The following SNTG1 variants were observed in gnomAD, a reference collection of about 807,000 sequenced individuals.
SNTG1 encodes syntrophin gamma 1, also known as gamma-1-syntrophin.
A neutral mutation model predicts 74.7 loss-of-function variants in SNTG1; 39 were observed. That is an observed-to-expected ratio of 0.52 (90% CI 0.40 to 0.68). The LOEUF (loss-of-function observed/expected upper bound fraction) is 0.68. Among genes scored for constraint, SNTG1 ranks in the 30% least tolerant of loss-of-function variants. The probability of loss-of-function intolerance (pLI) is 0.00; values close to 1 mark genes in which losing one functional copy is unlikely to be tolerated. For synonymous variants in SNTG1, 254 were observed against 217.1 expected (o/e 1.17, Z -1.49); for missense variants, 685 against 609.5 (o/e 1.12, Z -1.30).
intron 2 of SNTG1, among the ~76,000 whole-genome samples, chr8:50,300,375 C>A (rs1387712428): frequency 2.0e-5 from 3 of 152,102 alleles, no homozygotes; most frequent in Non-Finnish European, 4.4e-5. Context: ...TCATGTTGGA[C>A]TGTCCCAGAG....
intron 1 of SNTG1, among the ~76,000 whole-genome samples, 160 bp from the exon 2 acceptor site, chr8:50,172,401 T>C (rs893261025): frequency 6.6e-6 from 1 of 152,200 alleles, no homozygotes; most frequent in African/African-American, 2.4e-5. Flanking sequence ...GAGCTATTCC[T>C]AGAAATTGAC....
intron 1 of SNTG1, among the ~76,000 whole-genome samples, chr8:50,156,145 T>C (rs2082247676): frequency 6.6e-6 from 1 of 152,122 alleles, no homozygotes; most frequent in African/African-American, 2.4e-5. Flanking sequence ...TTTGCCCCTA[T>C]ACACAAAACA....
chr8:50,713,701 AAGGAAGGGGTCCAGTTTCAG>A (rs1456338389), intron 17 of SNTG1, among the ~76,000 whole-genome samples: 8 of 152,130 alleles, frequency 5.3e-5, no homozygotes, highest in Admixed American at 4.6e-4. Context: ...TATAAGGTAT[AAGGAAGGGGTCCAGTTTCAG>A]TTTCATGCAT....
intron 1 of SNTG1, among the ~76,000 whole-genome samples, chr8:50,043,642 G>A (rs949075407): frequency 2.0e-5 from 3 of 152,282 alleles, no homozygotes; most frequent in Non-Finnish European, 4.4e-5. Context: ...TGTTTGACTC[G>A]CACCCAGGCC....
chr8:50,087,350 A>C (rs913145064), intron 1 of SNTG1, among the ~76,000 whole-genome samples: 1 of 152,182 alleles, frequency 6.6e-6, no homozygotes, highest in African/African-American at 2.4e-5. Flanking sequence ...TGGTATCTCA[A>C]ATAGAGAGCT....
intron 1 of SNTG1, among the ~76,000 whole-genome samples, chr8:49,947,010 G>A (rs1251676941): frequency 1.3e-5 from 2 of 152,122 alleles, no homozygotes; most frequent in Non-Finnish European, 2.9e-5. Flanking sequence ...AGTAAAAAGA[G>A]CAATTTTGGC....
At chr8:50,468,892 G>A (rs2093629883) in intron 8 of SNTG1, among the ~76,000 whole-genome samples, 1 of 152,012 alleles carries the variant, frequency 6.6e-6, no homozygotes, top group African/African-American at 2.4e-5. Context: ...GTGTAGTGCA[G>A]GTACCTTTTA....
At chr8:50,662,527 A>C (rs1240618596) in intron 15 of SNTG1, among the ~76,000 whole-genome samples, 1 of 152,230 alleles carries the variant, frequency 6.6e-6, no homozygotes, top group Non-Finnish European at 1.5e-5. Context: ...GTTTAAGTAA[A>C]TAGCCTAAGG....
At chr8:50,075,592 G>T (rs768831999) in intron 1 of SNTG1, among the ~76,000 whole-genome samples, 9 of 152,206 alleles carry the variant, frequency 5.9e-5, no homozygotes, top group Non-Finnish European at 4.4e-5. Flanking sequence ...AAAGCAGGCT[G>T]CCAGAGCCAG....
At position 50,347,965 on chromosome 8, in the gene SNTG1, T is replaced by TCA. The variant is rs2091531448; in HGVS notation, c.-27-46247_-27-46246insCA. On this transcript the variant is annotated intron_variant, in intron 2 of 18. Transcript: ENST00000642720. ...ATATATGATATAATGTTACAGGATG[T>TCA]TTGCTTTCACTTCCCCAAGAAACAT... 1.8e-4 allele frequency among the ~76,000 whole-genome samples: 28 copies of TCA among 152,182 alleles called. 2 individuals are homozygous for TCA. Among genetic ancestry groups the TCA allele is most frequent in the Admixed American group, 5.2e-4 (8 of 15,272 alleles).
chr8:50,336,305 G>A (rs750776768), intron 2 of SNTG1, among the ~76,000 whole-genome samples: 48 of 152,166 alleles, frequency 3.2e-4, no homozygotes, highest in Non-Finnish European at 5.7e-4. Flanking sequence ...CTCTGAATCT[G>A]TATTCATAGA....
At chr8:50,039,372 A>G (rs980039062) in intron 1 of SNTG1, among the ~76,000 whole-genome samples, 6 of 142,566 alleles carry the variant, frequency 4.2e-5, no homozygotes, top group African/African-American at 1.5e-4. Context: ...GGAGAATGGC[A>G]TGAACCTGGG....
intron 13 of SNTG1, among the ~76,000 whole-genome samples, chr8:50,618,679 G>A (rs191372489): frequency 7.4e-4 from 113 of 152,290 alleles, no homozygotes; most frequent in Non-Finnish European, 1.1e-3. Context: ...CCATTAGGTC[G>A]TTGGCAAAAT....
At chr8:50,720,580 C>T (rs2095485420) in intron 17 of SNTG1, among the ~76,000 whole-genome samples, 1 of 152,072 alleles carries the variant, frequency 6.6e-6, no homozygotes, top group African/African-American at 2.4e-5. Context: ...TTATGAGGGC[C>T]TAGTTACAGA....
At chr8:50,308,704 C>T (rs1039166847) in intron 2 of SNTG1, among the ~76,000 whole-genome samples, 1 of 152,158 alleles carries the variant, frequency 6.6e-6, no homozygotes. Context: ...CATACCTACT[C>T]ATTTATGTGT....
In SNTG1 at chr8:50,334,188, C is replaced by T. The variant is rs181670249; in HGVS notation, c.-27-60024C>T. Among the ~76,000 whole-genome samples the T allele has an allele frequency of 1.5e-3, 226 of 152,284 alleles. 1 individual carries two copies. Among genetic ancestry groups the T allele is most frequent in the African/African-American group, 4.8e-3 (200 of 41,568 alleles). ...CCGGGATTACAGGCCTGAGCCACCG[C>T]GCCTGGCCAGGAGCACATTTTTCTA... On this transcript the variant is annotated intron_variant, in intron 2 of 18. Coordinates refer to ENST00000642720, the MANE Select transcript of SNTG1 (RefSeq NM_018967.5).
chr8:50,102,086 G>T (rs1253838873), intron 1 of SNTG1, among the ~76,000 whole-genome samples: 1 of 151,864 alleles, frequency 6.6e-6, no homozygotes, highest in African/African-American at 2.4e-5. Flanking sequence ...TAATGGAATG[G>T]CTGGGTCAAA....
chr8:50,753,130 A>T (rs541901720), intron 18 of SNTG1, among the ~76,000 whole-genome samples: 2 of 151,880 alleles, frequency 1.3e-5, no homozygotes, highest in South Asian at 4.2e-4. Flanking sequence ...CCTTTATTTT[A>T]CATGCCTCAC....
At chr8:50,119,803 A>G (rs1329241047) in intron 1 of SNTG1, among the ~76,000 whole-genome samples, 3 of 142,024 alleles carry the variant, frequency 2.1e-5, no homozygotes, top group African/African-American at 7.6e-5. Flanking sequence ...AAAAACTCAT[A>G]TCTAGTAAAT....
Sources: gnomAD v4.1 joint callset for allele counts (sites outside exome capture counted in the v4.1 genomes callset) on GRCh38, gnomAD v4.1.1 for gene constraint, MANE v1.5 for transcripts, NCBI Gene and HGNC (gene_info 2026-07-23, HGNC 2026-07-21) for gene names.